Variants in CD82 observed in about 807,000 individuals in gnomAD.
CD82 encodes CD82 antigen.
Under a neutral mutation model 37.4 loss-of-function variants are expected in CD82, and 36 were observed. The ratio of observed to expected loss-of-function variants is 0.96; its 90% confidence interval spans 0.74 to 1.27. The LOEUF is 1.27. Among genes scored for constraint, CD82 ranks in the 50% most tolerant of loss-of-function variants. The probability of loss-of-function intolerance (pLI) is 0.00; values close to 1 mark genes in which losing one functional copy is unlikely to be tolerated. For synonymous variants in CD82, 158 were observed against 137.4 expected (o/e 1.15, Z -1.05); for missense variants, 340 against 347.0 (o/e 0.98, Z 0.16).
chr11:44,609,305 G>A (rs1853446260), intron 6 of CD82, among the ~76,000 whole-genome samples: 1 of 152,250 alleles, frequency 6.6e-6, no homozygotes, highest in African/African-American at 2.4e-5. Flanking sequence ...TCTCTAGAGA[G>A]TGGAGGTGGG....
chr11:44,588,234 G>T (rs1335382841), intron 2 of CD82, among the ~76,000 whole-genome samples: 4 of 148,304 alleles, frequency 2.7e-5, no homozygotes, highest in Non-Finnish European at 4.5e-5. Context: ...TTTGTTTTTT[G>T]TTTTTTTTAG....
chr11:44,619,868 C>T lies in CD82; in HGVS notation c.*742C>T, dbSNP rs1246586127. Reference sequence around the variant, plus strand: ...ACTGGGTGGGTCAACTTATTTCCCACTATGACATTTATATCTTTATTTTTC... The same window carrying T: ...ACTGGGTGGGTCAACTTATTTCCCATTATGACATTTATATCTTTATTTTTC... On this transcript the variant is annotated 3_prime_UTR_variant, in exon 10 of 10. Coordinates refer to ENST00000227155, the MANE Select transcript of CD82 (RefSeq NM_002231.4). 6.6e-6 allele frequency: 1 copy of T among 151,596 alleles called. No individual in the cohort carries two copies. The highest frequency in any genetic ancestry group is 1.5e-5 in the Non-Finnish European group (1 of 67,964). The allele number at this position is 151,596 out of a possible 1,614,324, so 9.4% of individuals were successfully genotyped here.
In CD82 at chr11:44,597,993, G is replaced by T. The variant is rs1853252741; in HGVS notation, c.64-2165G>T. On this transcript the variant is annotated intron_variant, in intron 3 of 9. Coordinates refer to ENST00000227155, the MANE Select transcript of CD82 (RefSeq NM_002231.4). This position sits in a 1 kb window ranked among gnomAD's most constrained non-coding sequence, Gnocchi z 4.1. ...TTCTGTCCCGAGACTGGCTTTCTGG[G>T]TGAAGGCCCAGGATGGATCCAAAAT... 6.6e-6 allele frequency among the ~76,000 whole-genome samples: 1 copy of T among 152,216 alleles called. No individual in the cohort carries two copies. Among genetic ancestry groups the T allele is most frequent in the Non-Finnish European group, 1.5e-5 (1 of 68,046 alleles).
chr11:44,580,961 G>A (rs1446133162), intron 1 of CD82, among the ~76,000 whole-genome samples: 1 of 152,142 alleles, frequency 6.6e-6, no homozygotes, highest in Non-Finnish European at 1.5e-5. Flanking sequence ...CTGTTGCCAT[G>A]TGGGGTCCCT....
chr11:44,618,624 C>A lies in CD82; in HGVS notation c.643-16C>A. On this transcript the variant is annotated splice_polypyrimidine_tract_variant and intron_variant, in intron 8 of 9. Transcript: ENST00000227155. ...GGTGCAGAGCGGGGTGATGTGACCGCATTCTGCCCTTGCAGGGCTGCATGG... is the reference window on the plus strand; with the variant it reads ...GGTGCAGAGCGGGGTGATGTGACCGAATTCTGCCCTTGCAGGGCTGCATGG... 6.2e-7 allele frequency: 1 copy of A among 1,602,916 alleles called. No individual in the cohort carries two copies. The highest frequency in any genetic ancestry group is 8.5e-7 in the Non-Finnish European group (1 of 1,174,746).
At chr11:44,594,295 C>A (rs180717160) in intron 2 of CD82, among the ~76,000 whole-genome samples, 1 of 152,220 alleles carries the variant, frequency 6.6e-6, no homozygotes, top group Admixed American at 6.5e-5. Flanking sequence ...AACTTCCCGG[C>A]CCCCTGACTT....
At chr11:44,615,659 G>A (rs901232104) in intron 7 of CD82, among the ~76,000 whole-genome samples, 4 of 152,172 alleles carry the variant, frequency 2.6e-5, no homozygotes, top group Non-Finnish European at 5.9e-5. Context: ...ACTGGGGAGC[G>A]TTGGGAGCTC....
intron 2 of CD82, 140 bp from the exon 3 acceptor site, chr11:44,594,495 AGCTGTGTG>A (rs1309342905): frequency 1.3e-5 from 8 of 616,254 alleles, no homozygotes; most frequent in Non-Finnish European, 2.4e-5. Flanking sequence ...CTCATTTCCT[AGCTGTGTG>A]GCTTTGGGCT....
At chr11:44,572,900 C>G (rs977502615) in intron 1 of CD82, among the ~76,000 whole-genome samples, 1 of 139,784 alleles carries the variant, frequency 7.2e-6, no homozygotes, top group Non-Finnish European at 1.6e-5. Context: ...CTGTCCTGGA[C>G]CTGGCAGAGT....
intron 2 of CD82, among the ~76,000 whole-genome samples, chr11:44,590,735 T>G (rs998468200): frequency 2.0e-5 from 3 of 151,982 alleles, no homozygotes; most frequent in African/African-American, 7.2e-5. Context: ...CCAACCCTTA[T>G]TTCTGTCTCA....
chr11:44,617,603 C>G lies in CD82; in HGVS notation c.439-559C>G, dbSNP rs1853584357. ...AAAAAGGCGGAATTGACCCCGTCTCCTTTTTCACTTTTCACTTTTTTTCCT... is the reference window on the plus strand; with the variant it reads ...AAAAAGGCGGAATTGACCCCGTCTCGTTTTTCACTTTTCACTTTTTTTCCT... On this transcript the variant is annotated intron_variant, in intron 7 of 9. Transcript: ENST00000227155. 1.3e-5 allele frequency among the ~76,000 whole-genome samples: 2 copies of G among 149,824 alleles called. 1 individual carries two copies. The highest frequency in any genetic ancestry group is 4.2e-4 in the South Asian group (2 of 4,770).
intron 9 of CD82, 56 bp from the exon 10 acceptor site, chr11:44,618,993 G>A (rs1030936072): frequency 3.2e-5 from 46 of 1,444,072 alleles, no homozygotes; most frequent in Middle Eastern, 3.4e-4. Flanking sequence ...GGTGAGGCTG[G>A]GGCGTCTGAG....
rs1483118732 is a variant in CD82, at chr11:44,606,965, C to T, written c.336+1536C>T. The T allele has an allele frequency of 2.0e-5, 3 of 152,306 alleles. No individual in the cohort carries two copies. The East Asian group carries it at 5.8e-4, about 29-fold the overall frequency. 9.4% of individuals were successfully genotyped at this position (152,306 alleles called of 1,614,324 possible). A position where few individuals can be genotyped will look rare whatever the true frequency, so the allele number is the denominator to read the frequency against. On this transcript the variant is annotated intron_variant, in intron 6 of 9. Coordinates refer to ENST00000227155, the MANE Select transcript of CD82 (RefSeq NM_002231.4). Reference sequence around the variant, plus strand: ...GATGAAGGAGTAAGGACAGCCTAGGCTCCCTGACTCCGAGTCCTGAGTTCA... The same window carrying T: ...GATGAAGGAGTAAGGACAGCCTAGGTTCCCTGACTCCGAGTCCTGAGTTCA...
intron 9 of CD82, 31 bp from the exon 10 acceptor site, chr11:44,619,018 C>A: frequency 6.3e-7 from 1 of 1,597,282 alleles, no homozygotes; most frequent in Non-Finnish European, 8.6e-7. Flanking sequence ...GGACACCCAG[C>A]CTCCCTCTGA....
intron 4 of CD82, among the ~76,000 whole-genome samples, chr11:44,603,305 G>T (rs1484662916): frequency 6.6e-6 from 1 of 152,174 alleles, no homozygotes; most frequent in African/African-American, 2.4e-5. Context: ...TTATCAGGAA[G>T]CGGAGCTGAA....
chr11:44,575,227 T>A (rs1045110624), intron 1 of CD82, among the ~76,000 whole-genome samples: 1 of 152,156 alleles, frequency 6.6e-6, no homozygotes, highest in African/African-American at 2.4e-5. Context: ...GGCAGATAGA[T>A]ATAGGGGAGT....
intron 2 of CD82, among the ~76,000 whole-genome samples, chr11:44,590,508 G>A (rs1435850976): frequency 6.7e-6 from 1 of 149,594 alleles, no homozygotes; most frequent in Non-Finnish European, 1.5e-5. Flanking sequence ...CTACTTGGGA[G>A]GCTGAGGCAG....
intron 4 of CD82, 111 bp downstream of exon 4, chr11:44,600,341 C>T (rs1351558806): frequency 2.7e-5 from 27 of 1,011,798 alleles, no homozygotes; most frequent in Middle Eastern, 2.1e-4. Context: ...TTGCTTTTCC[C>T]GCTGACCTCA....
chr11:44,614,076 G>A (rs111989368), intron 6 of CD82, among the ~76,000 whole-genome samples: 2,947 of 152,166 alleles, frequency 0.019, 94 homozygotes, highest in African/African-American at 0.068. Context: ...GCAGTGGTGC[G>A]ATCTCGACTC....
Sources: gnomAD v4.1 joint callset for allele counts (sites outside exome capture counted in the v4.1 genomes callset) on GRCh38, gnomAD v4.1.1 for gene constraint, Gnocchi (gnomAD v3.1) non-coding constraint, MANE v1.5 for transcripts, NCBI Gene and HGNC (gene_info 2026-07-23, HGNC 2026-07-21) for gene names.